Variants in CPAMD8 observed in about 807,000 individuals in gnomAD.
CPAMD8 encodes the protein C3 and PZP like alpha-2-macroglobulin domain containing 8.
Under a neutral mutation model 224.7 loss-of-function variants are expected in CPAMD8, and 146 were observed. The ratio of observed to expected loss-of-function variants is 0.65; its 90% CI spans 0.57 to 0.75. The LOEUF is 0.75. CPAMD8 is among the 30% of genes least tolerant of loss of function. CPAMD8 has a pLI of 0.00. For missense variants in CPAMD8, 2,301 were observed against 2,537.5 expected, an observed-to-expected ratio of 0.91 and a Z score of 2.00; for synonymous variants, 966 against 1,044.6, an observed-to-expected ratio of 0.92 and a Z score of 1.45.
chr19:16,903,440 A>G, intron 34 of CPAMD8, 121 bp downstream of exon 34: 1 of 1,431,920 alleles, frequency 7.0e-7, no homozygotes, highest in Non-Finnish European at 9.6e-7. Flanking sequence ...CCTGTCCTGC[A>G]GTCTGGCATG....
At chr19:16,974,494 C>A (rs1485591999) in intron 17 of CPAMD8, among the ~76,000 whole-genome samples, 1 of 151,868 alleles carries the variant, frequency 6.6e-6, no homozygotes, top group African/African-American at 2.4e-5. Flanking sequence ...CTGGCACCCA[C>A]AGCTCCCAAT....
At chr19:16,909,088 A>G (rs2052628686) in intron 29 of CPAMD8, among the ~76,000 whole-genome samples, 1 of 152,154 alleles carries the variant, frequency 6.6e-6, no homozygotes, top group Non-Finnish European at 1.5e-5. Context: ...ATTCCAGCAC[A>G]GGTGTAGCGG....
rs1276182262 is a variant in CPAMD8 at position 16,920,352 on chromosome 19, C to T, written c.3629+1553G>A. 9.9e-5 allele frequency among the ~76,000 whole-genome samples: 15 copies of T among 152,132 alleles called. No individual in the cohort carries two copies. The East Asian group carries it at 1.6e-3, about 16-fold the overall frequency. ...AAAAGTAGCCAGGCGTGGTGGCGGGCGCCTGTATTCCCAGCTACTCGGGAG... is the reference window on the plus strand; with the variant it reads ...AAAAGTAGCCAGGCGTGGTGGCGGGTGCCTGTATTCCCAGCTACTCGGGAG... On this transcript the variant is annotated intron_variant, in intron 27 of 41. Transcript: ENST00000443236.
chr19:16,990,594 A>G (rs1215148638), intron 12 of CPAMD8, among the ~76,000 whole-genome samples: 4 of 151,934 alleles, frequency 2.6e-5, no homozygotes, highest in African/African-American at 4.8e-5. Context: ...GCCAGGCGCG[A>G]TGGCTCACGC....
At chr19:17,009,146 G>C (rs2056578964) in intron 6 of CPAMD8, 157 bp downstream of exon 6, 2 of 1,182,160 alleles carry the variant, frequency 1.7e-6, no homozygotes, top group Non-Finnish European at 2.4e-6. Context: ...TCCCAGGGCG[G>C]ACCCAGGGAC....
At chr19:16,957,082 A>G (rs1157644294) in intron 19 of CPAMD8, among the ~76,000 whole-genome samples, 1 of 152,250 alleles carries the variant, frequency 6.6e-6, no homozygotes, top group African/African-American at 2.4e-5. Context: ...CTGGGCCCCC[A>G]GAACAAAACA....
At chr19:16,963,184 A>C (rs2054712004) in intron 18 of CPAMD8, among the ~76,000 whole-genome samples, 1 of 152,256 alleles carries the variant, frequency 6.6e-6, no homozygotes, top group Non-Finnish European at 1.5e-5. Context: ...TCAAATTCAC[A>C]CATAACAATA....
At position 16,898,352 on chromosome 19, in the gene CPAMD8, G is replaced by A. The variant is rs1354558620; in HGVS notation, c.4849-358C>T. Among the ~76,000 whole-genome samples, 1 of 151,848 alleles carries A rather than the reference G, an allele frequency of 6.6e-6. No homozygotes were observed. Among genetic ancestry groups the A allele is most frequent in the Admixed American group, 6.6e-5 (1 of 15,232 alleles). On this transcript the variant is annotated intron_variant, in intron 37 of 41. Coordinates refer to ENST00000443236, the MANE Select transcript of CPAMD8 (RefSeq NM_015692.5). This position sits in a 1 kb window ranked among gnomAD's most constrained non-coding sequence, Gnocchi z 4.2. ...ATCAAGACGGAGTTTCACCATGTTGGCCAGGCTGGTCTCCAACTCCTGCCC... is the reference window on the plus strand; with the variant it reads ...ATCAAGACGGAGTTTCACCATGTTGACCAGGCTGGTCTCCAACTCCTGCCC...
At chr19:16,914,361 G>T in intron 29 of CPAMD8, 63 bp downstream of exon 29, 1 of 1,374,536 alleles carries the variant, frequency 7.3e-7, no homozygotes, top group Non-Finnish European at 1.0e-6. Context: ...ATAAAGGAGG[G>T]AACCTTCCAT....
chr19:17,014,055 C>G (rs1017157681), intron 3 of CPAMD8, among the ~76,000 whole-genome samples: 1 of 139,980 alleles, frequency 7.1e-6, no homozygotes, highest in African/African-American at 2.6e-5. Context: ...CTTTCTCTTT[C>G]TTTCTTTTGT....
In CPAMD8 at chr19:17,003,832, C is replaced by T. The variant is rs573232323; in HGVS notation, c.673+441G>A. On this transcript the variant is annotated intron_variant, in intron 8 of 41. Coordinates refer to ENST00000443236, the MANE Select transcript of CPAMD8 (RefSeq NM_015692.5). ...ACCATCCCCTGAAACTATACCCAGCCATCATGAGCCCTCAGTAAACGGGGA... is the reference window on the plus strand; with the variant it reads ...ACCATCCCCTGAAACTATACCCAGCTATCATGAGCCCTCAGTAAACGGGGA... 4.0e-5 allele frequency among the ~76,000 whole-genome samples: 6 copies of T among 151,472 alleles called. No homozygotes were observed. In the East Asian group the frequency reaches 9.8e-4, roughly 25 times the overall value.
At chr19:16,976,260 G>A (rs1396800541) in intron 15 of CPAMD8, 109 bp from the exon 16 acceptor site, 16 of 804,546 alleles carry the variant, frequency 2.0e-5, no homozygotes, top group Non-Finnish European at 2.1e-5. Flanking sequence ...TGGATCACCT[G>A]AGGTCAAGAG....
At chr19:17,001,699 G>A (rs911707990) in intron 9 of CPAMD8, among the ~76,000 whole-genome samples, 1 of 151,854 alleles carries the variant, frequency 6.6e-6, no homozygotes, top group Non-Finnish European at 1.5e-5. Flanking sequence ...GAGGGAGCGG[G>A]GCACAGGGCA....
chr19:17,008,792 C>A (rs554802873), intron 6 of CPAMD8: 4 of 581,852 alleles, frequency 6.9e-6, no homozygotes, highest in Non-Finnish European at 3.1e-6. Context: ...GTGTACAAAC[C>A]TAGAAATGGA....
chr19:17,011,049 C>A (rs1465279266), intron 5 of CPAMD8, among the ~76,000 whole-genome samples: 1 of 151,714 alleles, frequency 6.6e-6, no homozygotes, highest in Non-Finnish European at 1.5e-5. Context: ...AAAAAATCAG[C>A]CGGGCGTGGT....
intron 22 of CPAMD8, among the ~76,000 whole-genome samples, chr19:16,944,858 G>A (rs1303651464): frequency 6.6e-6 from 1 of 151,484 alleles, no homozygotes; most frequent in Admixed American, 6.6e-5. Context: ...GGCCTCTGGG[G>A]AATGTGAGTC....
At chr19:16,931,954 A>G (rs1020650111) in intron 23 of CPAMD8, among the ~76,000 whole-genome samples, 3 of 152,246 alleles carry the variant, frequency 2.0e-5, no homozygotes, top group Non-Finnish European at 2.9e-5. Context: ...CTATGAAAGC[A>G]AATTCAAAAG....
chr19:16,970,910 G>A lies in CPAMD8; in HGVS notation c.2194C>T (p.Pro732Ser). Residue 732 changes from proline (P) to serine (S), a missense_variant, in exon 18 of 42, where the codon CCT becomes TCT. Pro to Ser is a moderately conservative substitution (Grantham distance 74). Around this residue, in one of 4 missense-constraint regions of CPAMD8, gnomAD observed 1,709 missense variants for 1,753.2 expected, o/e 0.97. Coordinates refer to ENST00000443236, the MANE Select transcript of CPAMD8 (RefSeq NM_015692.5). ...PHTGSLVAVA[P>S]SRHPPRTEKR... ...CGTTACCTGGGGGGGTGCCTGGAAG[G>A]AGCCACTGCCACCAGGCTCCCTGTG... The A allele has an allele frequency of 6.2e-7, 1 of 1,613,786 alleles. No individual in the cohort carries two copies. The highest frequency in any genetic ancestry group is 1.1e-5 in the South Asian group (1 of 91,060).
rs144329372 is a variant in CPAMD8 at position 16,959,640 on chromosome 19, G to A, written c.2214-1725C>T. 6.0e-3 allele frequency among the ~76,000 whole-genome samples: 906 copies of A among 151,168 alleles called. 11 individuals are homozygous for A. The highest frequency in any genetic ancestry group is 0.021 in the African/African-American group (859 of 41,156). ...ACTGCAGCCTCCGCCTCCCAGGTTC[G>A]AGCAATTCTCCTGCCTCAGCCTCCT... is the stretch of plus-strand genomic sequence containing the variant. On this transcript the variant is annotated intron_variant, in intron 18 of 41. Coordinates refer to ENST00000443236, the MANE Select transcript of CPAMD8 (RefSeq NM_015692.5).
Sources: gnomAD v4.1 joint callset for allele counts (sites outside exome capture counted in the v4.1 genomes callset) on GRCh38, gnomAD v4.1.1 for gene constraint, gnomAD v4.1.1 regional missense constraint, Gnocchi (gnomAD v3.1) non-coding constraint, MANE v1.5 for transcripts, NCBI Gene and HGNC (gene_info 2026-07-23, HGNC 2026-07-21) for gene names.